The following CPXM2 variants were observed in gnomAD, a reference collection of about 807,000 sequenced individuals.
The protein encoded by CPXM2 is carboxypeptidase X, M14 family member 2, also known as inactive carboxypeptidase-like protein X2.
Under a neutral mutation model 86.1 loss-of-function variants are expected in CPXM2, and 66 were observed. That is an observed-to-expected ratio of 0.77 (90% CI 0.63 to 0.94). CPXM2 has a LOEUF of 0.94. Ranked by LOEUF, CPXM2 falls within the 40% of genes least tolerant of loss-of-function variation. The pLI, the probability that CPXM2 is intolerant of heterozygous loss-of-function variation, is 0.00. For synonymous variants in CPXM2, 388 were observed against 400.2 expected, an observed-to-expected ratio of 0.97 and a Z score of 0.36; for missense variants, 948 against 1,026.3, an observed-to-expected ratio of 0.92 and a Z score of 1.04.
chr10:123,780,019 A>G, intron 7 of CPXM2, 148 bp downstream of exon 7: 2 of 565,920 alleles, frequency 3.5e-6, no homozygotes, highest in Non-Finnish European at 3.2e-6. Context: ...TGAAATGACA[A>G]GCATTTAGTG....
intron 2 of CPXM2, among the ~76,000 whole-genome samples, chr10:123,878,378 A>G (rs1258314511): frequency 7.0e-6 from 1 of 143,384 alleles, no homozygotes; most frequent in South Asian, 2.2e-4. Context: ...AATGAACCAG[A>G]GCCGTGATGG....
chr10:123,863,775 C>T (rs959490506), intron 2 of CPXM2, among the ~76,000 whole-genome samples: 1 of 152,206 alleles, frequency 6.6e-6, no homozygotes, highest in Admixed American at 6.5e-5. Flanking sequence ...GCAGCTTGGC[C>T]CCTGAGCCCA....
chr10:123,817,763 G>C (rs771993652), intron 4 of CPXM2, among the ~76,000 whole-genome samples: 1 of 152,194 alleles, frequency 6.6e-6, no homozygotes, highest in Non-Finnish European at 1.5e-5. Context: ...AACAGAGGAA[G>C]AGAAGACTTG....
chr10:123,921,290 A>T lies in CPXM2; in HGVS notation n.174+18187T>A, dbSNP rs576798139. 1.8e-4 allele frequency among the ~76,000 whole-genome samples: 28 copies of T among 151,762 alleles called. No individual in the cohort carries two copies. In the East Asian group the frequency reaches 2.9e-3, roughly 16 times the overall value. ...TAAGTTCATAAGACAATTTTTTTTTAAAAAAAGCATCTAAAGTTCAAAATT... is the reference window on the plus strand; with the variant it reads ...TAAGTTCATAAGACAATTTTTTTTTTAAAAAAGCATCTAAAGTTCAAAATT... On this transcript the variant is annotated intron_variant and non_coding_transcript_variant, in intron 2 of 19. Transcript: ENST00000368854.
chr10:123,863,469 C>T (rs890320695), intron 2 of CPXM2, among the ~76,000 whole-genome samples: 1 of 152,212 alleles, frequency 6.6e-6, no homozygotes. Context: ...AGGCTGACCT[C>T]ACAGAGAAAA....
upstream of CPXM2, among the ~76,000 whole-genome samples, chr10:123,941,063 C>T (rs28424096): frequency 0.29 from 43,325 of 151,848 alleles, 6,459 homozygotes; most frequent in Middle Eastern, 0.37. Context: ...CCCAGCTACT[C>T]GGGAGGCTGA....
At chr10:123,848,561 T>C (rs1476160726) in intron 3 of CPXM2, among the ~76,000 whole-genome samples, 1 of 152,158 alleles carries the variant, frequency 6.6e-6, no homozygotes, top group African/African-American at 2.4e-5. Context: ...GATGAAGAAA[T>C]ATACTAACTG....
chr10:123,835,978 G>A (rs1181365977), intron 4 of CPXM2, among the ~76,000 whole-genome samples: 1 of 152,156 alleles, frequency 6.6e-6, no homozygotes, highest in Non-Finnish European at 1.5e-5. Context: ...CGGGCTCCCC[G>A]ACGCCCTGGA....
intron 4 of CPXM2, among the ~76,000 whole-genome samples, chr10:123,822,875 C>T (rs1847958910): frequency 6.6e-6 from 1 of 152,056 alleles, no homozygotes; most frequent in Non-Finnish European, 1.5e-5. Flanking sequence ...AAATGCCTCA[C>T]AATTTCCAGA....
chr10:123,762,401 G>A (rs964693620), intron 10 of CPXM2, among the ~76,000 whole-genome samples: 1 of 152,056 alleles, frequency 6.6e-6, no homozygotes, highest in Non-Finnish European at 1.5e-5. Context: ...TGGGGAGGGG[G>A]GAATAACAGG....
At chr10:123,761,263 C>T (rs1231735058) in intron 11 of CPXM2, among the ~76,000 whole-genome samples, 1 of 152,192 alleles carries the variant, frequency 6.6e-6, no homozygotes, top group African/African-American at 2.4e-5. Flanking sequence ...ACGGGCCGTC[C>T]CGCTGGCCGC....
At position 123,880,196 on chromosome 10, in the gene CPXM2, G is replaced by A. The variant is rs78399271; in HGVS notation, c.403+15C>T. 3.6e-5 allele frequency: 38 copies of A among 1,048,676 alleles called. No homozygotes were observed. In the East Asian group the frequency reaches 4.3e-4, roughly 12 times the overall value. 65.0% of individuals were successfully genotyped at this position (1,048,676 alleles called of 1,614,324 possible). The stretch of plus-strand genomic sequence containing the variant: ...CCTAGGACTGGTGTAGGGGCTCTCC[G>A]AGAGCCTCACTTACTCTCTCTGACA... On this transcript the variant is annotated intron_variant, in intron 2 of 13. Coordinates refer to ENST00000241305, the MANE Select transcript of CPXM2 (RefSeq NM_198148.3).
At chr10:123,766,155 G>A (rs1197603277) in intron 10 of CPXM2, among the ~76,000 whole-genome samples, 1 of 152,156 alleles carries the variant, frequency 6.6e-6, no homozygotes, top group African/African-American at 2.4e-5. Context: ...AGCACCAGCT[G>A]CCACCCTGGA....
intron 3 of CPXM2, among the ~76,000 whole-genome samples, chr10:123,857,086 A>C (rs1315782612): frequency 6.6e-6 from 1 of 152,216 alleles, no homozygotes; most frequent in African/African-American, 2.4e-5. Context: ...GAGGGGCCGA[A>C]CTTTTGCTCT....
intron 2 of CPXM2, among the ~76,000 whole-genome samples, chr10:123,873,160 T>C (rs1944920781): frequency 6.6e-6 from 1 of 151,694 alleles, no homozygotes; most frequent in Non-Finnish European, 1.5e-5. Context: ...TACTTAAATA[T>C]CAAATAATAT....
intron 3 of CPXM2, among the ~76,000 whole-genome samples, chr10:123,847,950 AG>A: frequency 6.6e-6 from 1 of 152,260 alleles, no homozygotes; most frequent in South Asian, 2.1e-4. Flanking sequence ...GCAAATAAAA[AG>A]TCATATCCAA....
At chr10:123,805,107 A>G (rs1394309392) in intron 4 of CPXM2, among the ~76,000 whole-genome samples, 4 of 152,096 alleles carry the variant, frequency 2.6e-5, no homozygotes, top group Non-Finnish European at 5.9e-5. Flanking sequence ...GAAAACATCA[A>G]GATGTTTTCA....
chr10:123,920,495 T>C (rs1027621089), intron 2 of CPXM2, among the ~76,000 whole-genome samples: 3 of 152,226 alleles, frequency 2.0e-5, no homozygotes, highest in African/African-American at 7.2e-5. Context: ...AACAGTGTTC[T>C]TGCAATTATG....
At chr10:123,758,557 A>G (rs940721133) in intron 11 of CPXM2, among the ~76,000 whole-genome samples, 1 of 152,110 alleles carries the variant, frequency 6.6e-6, no homozygotes, top group Non-Finnish European at 1.5e-5. Context: ...GCCAAAACTC[A>G]TTTTCCAAAT....
Sources: gnomAD v4.1 joint callset for allele counts (sites outside exome capture counted in the v4.1 genomes callset) on GRCh38, gnomAD v4.1.1 for gene constraint, MANE v1.5 for transcripts, NCBI Gene and HGNC (gene_info 2026-07-23, HGNC 2026-07-21) for gene names.